The following OXCT1 variants were observed in gnomAD, a reference collection of about 807,000 sequenced individuals.
The protein encoded by OXCT1 is 3-oxoacid CoA-transferase 1, also known as succinyl-CoA:3-ketoacid coenzyme A transferase 1, mitochondrial.
OXCT1 carries 27 observed loss-of-function variants against 69.6 expected under a neutral mutation model. The observed-to-expected ratio is 0.39, with a 90% CI of 0.29 to 0.54. The LOEUF is 0.54. Ranked by LOEUF, OXCT1 falls within the 20% of genes least tolerant of loss-of-function variation. OXCT1 has a pLI of 0.72. For synonymous variants in OXCT1, 202 were observed against 217.8 expected, an observed-to-expected ratio of 0.93 and a Z score of 0.64; for missense variants, 437 against 650.2, an observed-to-expected ratio of 0.67 and a Z score of 3.57.
At chr5:41,736,477 A>C (rs1742890803) in intron 16 of OXCT1, among the ~76,000 whole-genome samples, 1 of 152,228 alleles carries the variant, frequency 6.6e-6, no homozygotes, top group South Asian at 2.1e-4. Flanking sequence ...GGCTAATAAC[A>C]CTATGATATA....
rs775142547 is a variant in OXCT1, at chr5:41,794,834, T to C, written c.1100-85A>G. ...TGAACAGAGGTCCACATCTTCTCCA[T>C]TCCCAAAAGAACTTAAGCTCCCTTT... is the stretch of plus-strand genomic sequence containing the variant. On this transcript the variant is annotated intron_variant, in intron 11 of 16. Coordinates refer to ENST00000196371, the MANE Select transcript of OXCT1 (RefSeq NM_000436.4). 2.8e-6 allele frequency: 4 copies of C among 1,445,888 alleles called. 1 individual carries two copies. The South Asian group carries it at 4.6e-5, about 17-fold the overall frequency. 89.6% of individuals were successfully genotyped at this position (1,445,888 alleles called of 1,614,324 possible). A position where few individuals can be genotyped will look rare whatever the true frequency, so the allele number is the denominator to read the frequency against.
At chr5:41,853,663 A>T (rs1404839343) in intron 3 of OXCT1, 109 bp from the exon 4 acceptor site, 1 of 1,223,786 alleles carries the variant, frequency 8.2e-7, no homozygotes, top group Non-Finnish European at 1.2e-6. Flanking sequence ...ATCCTTTCTT[A>T]TAGGCATTTG....
chr5:41,790,227 T>TAC (rs1328289360), intron 13 of OXCT1, among the ~76,000 whole-genome samples: 1 of 152,182 alleles, frequency 6.6e-6, no homozygotes, highest in Non-Finnish European at 1.5e-5. Flanking sequence ...TAGCTGACCA[T>TAC]ACACATCTGC....
intron 8 of OXCT1, 40 bp downstream of exon 8, chr5:41,807,291 C>A (rs1746727637): frequency 2.8e-6 from 3 of 1,070,554 alleles, no homozygotes; most frequent in Non-Finnish European, 4.4e-6. Flanking sequence ...ATCTCTGTAA[C>A]TGGATCCATG....
intron 7 of OXCT1, among the ~76,000 whole-genome samples, chr5:41,815,102 C>T (rs1747174361): frequency 6.6e-6 from 1 of 151,988 alleles, no homozygotes; most frequent in Non-Finnish European, 1.5e-5. Flanking sequence ...TTAAAATTGA[C>T]TAGCAGCAAA....
intron 7 of OXCT1, among the ~76,000 whole-genome samples, chr5:41,830,618 G>C (rs184806756): frequency 8.5e-5 from 13 of 152,284 alleles, no homozygotes; most frequent in Non-Finnish European, 1.6e-4. Flanking sequence ...TTTCACACAG[G>C]AATGAGCCTG....
intron 13 of OXCT1, among the ~76,000 whole-genome samples, chr5:41,791,649 T>G (rs1745922369): frequency 1.3e-5 from 2 of 152,198 alleles, no homozygotes; most frequent in African/African-American, 4.8e-5. Context: ...TTAACACATT[T>G]CTGCTTCATA....
intron 13 of OXCT1, among the ~76,000 whole-genome samples, chr5:41,777,677 A>G (rs1375206871): frequency 6.6e-6 from 1 of 152,206 alleles, no homozygotes; most frequent in African/African-American, 2.4e-5. Flanking sequence ...CCTATGTACA[A>G]TTTCTAAAAA....
intron 11 of OXCT1, among the ~76,000 whole-genome samples, chr5:41,798,777 C>G (rs908543220): frequency 2.0e-5 from 3 of 152,150 alleles, no homozygotes; most frequent in African/African-American, 7.2e-5. Context: ...TAGGTTAGAG[C>G]CCAGATCTTG....
chr5:41,829,577 GAAATA>G (rs1208835674), intron 7 of OXCT1, among the ~76,000 whole-genome samples: 2 of 152,068 alleles, frequency 1.3e-5, no homozygotes, highest in Non-Finnish European at 2.9e-5. Flanking sequence ...CAAGCAACAA[GAAATA>G]AAATGTCAAG....
intron 9 of OXCT1, 83 bp from the exon 10 acceptor site, chr5:41,803,246 A>C: frequency 5.6e-6 from 5 of 894,802 alleles, no homozygotes; most frequent in Non-Finnish European, 9.3e-6. Flanking sequence ...AGATCTGAAC[A>C]GAAGCTTTAT....
rs745840054 is a variant in OXCT1, at chr5:41,849,986, G to A, written c.564+44C>T. The A allele has an allele frequency of 1.2e-6, 2 of 1,602,956 alleles. No homozygotes were observed. The highest frequency in any genetic ancestry group is 2.2e-5 in the South Asian group (2 of 90,826). ...CAATGATCCACCCAAAATCCCACGT[G>A]GAAAGAGGGATCCTGGTATAATCTG... On this transcript the variant is annotated intron_variant, in intron 5 of 16. Coordinates refer to ENST00000196371, the MANE Select transcript of OXCT1 (RefSeq NM_000436.4).
chr5:41,811,262 T>C (rs1429226075), intron 7 of OXCT1, among the ~76,000 whole-genome samples: 2 of 151,938 alleles, frequency 1.3e-5, no homozygotes, highest in African/African-American at 4.8e-5. Context: ...ATAACTATAG[T>C]TAAAAATCTA....
At chr5:41,823,143 T>G (rs1332508863) in intron 7 of OXCT1, among the ~76,000 whole-genome samples, 1 of 152,218 alleles carries the variant, frequency 6.6e-6, no homozygotes, top group Non-Finnish European at 1.5e-5. Context: ...CTATATCACT[T>G]CACAGGTAGT....
chr5:41,767,553 T>C (rs541750893), intron 13 of OXCT1, among the ~76,000 whole-genome samples: 601 of 151,628 alleles, frequency 4.0e-3, no homozygotes, highest in Non-Finnish European at 6.2e-3. Flanking sequence ...CCTCTCTCCA[T>C]GGCTCCTCTC....
intron 5 of OXCT1, among the ~76,000 whole-genome samples, chr5:41,849,820 A>G (rs551054285): frequency 1.1e-4 from 16 of 152,230 alleles, no homozygotes; most frequent in African/African-American, 3.9e-4. Flanking sequence ...GGATTACACC[A>G]TTTTTTCCTT....
intron 13 of OXCT1, among the ~76,000 whole-genome samples, chr5:41,793,794 C>T (rs1052037742): frequency 3.9e-5 from 6 of 152,130 alleles, no homozygotes; most frequent in African/African-American, 1.2e-4. Context: ...TCGGCTCTGA[C>T]CTTGCCTACT....
chr5:41,760,177 G>A (rs1744278510), intron 14 of OXCT1, among the ~76,000 whole-genome samples: 1 of 151,992 alleles, frequency 6.6e-6, no homozygotes, highest in African/African-American at 2.4e-5. Flanking sequence ...CAAAATAGTA[G>A]CAGCTACATA....
At chr5:41,827,214 A>G (rs779132230) in intron 7 of OXCT1, among the ~76,000 whole-genome samples, 6 of 152,190 alleles carry the variant, frequency 3.9e-5, no homozygotes, top group Non-Finnish European at 7.3e-5. Context: ...AAATGCCTAT[A>G]TACCTACCTA....
Sources: gnomAD v4.1 joint callset for allele counts (sites outside exome capture counted in the v4.1 genomes callset) on GRCh38, gnomAD v4.1.1 for gene constraint, MANE v1.5 for transcripts, NCBI Gene and HGNC (gene_info 2026-07-23, HGNC 2026-07-21) for gene names.